The following AUTS2 variants were observed in gnomAD, a reference collection of about 807,000 sequenced individuals.
The protein encoded by AUTS2 is activator of transcription and developmental regulator AUTS2, also known as autism susceptibility gene 2 protein.
Under a neutral mutation model 112.4 loss-of-function variants are expected in AUTS2, and 17 were observed. The ratio of observed to expected loss-of-function variants is 0.15; its 90% CI spans 0.10 to 0.23. The LOEUF (loss-of-function observed/expected upper bound fraction) is 0.23, where lower values mean the gene tolerates loss of function less well. Ranked by LOEUF, AUTS2 falls within the 10% of genes least tolerant of loss-of-function variation. AUTS2 has a pLI of 1.00. For missense variants in AUTS2, 1,510 were observed against 1,701.6 expected (o/e 0.89, Z 1.98); for synonymous variants, 751 against 702.7 (o/e 1.07, Z -1.09).
chr7:70,517,740 TACAC>T lies in AUTS2; in HGVS notation c.690+81968_690+81971del, dbSNP rs762319113. 1.1e-3 allele frequency among the ~76,000 whole-genome samples: 163 copies of T among 151,794 alleles called. 1 individual carries two copies. The highest frequency in any genetic ancestry group is 1.1e-3 in the Admixed American group (17 of 15,226). ...TAGTTTGCATATGTATACATATGAA[TACAC>T]ACACACACGATTTGTGTCCAGTTAA... On this transcript the variant is annotated intron_variant, in intron 5 of 18. Coordinates refer to ENST00000342771, the MANE Select transcript of AUTS2 (RefSeq NM_015570.4).
intron 1 of AUTS2, among the ~76,000 whole-genome samples, chr7:69,611,265 C>T (rs1793017685): frequency 6.6e-6 from 1 of 152,082 alleles, no homozygotes; most frequent in African/African-American, 2.4e-5. Context: ...TTTGTATTTC[C>T]AGATGTGAGC....
At chr7:70,696,716 G>C (rs1048744860) in intron 5 of AUTS2, among the ~76,000 whole-genome samples, 2 of 151,932 alleles carry the variant, frequency 1.3e-5, no homozygotes, top group African/African-American at 2.4e-5. Context: ...ATAAAAACTT[G>C]GTCAGGAACC....
intron 2 of AUTS2, among the ~76,000 whole-genome samples, chr7:70,012,431 A>G (rs1799845882): frequency 6.6e-6 from 1 of 152,214 alleles, no homozygotes; most frequent in Non-Finnish European, 1.5e-5. Flanking sequence ...CCATGTAAAA[A>G]TATGGGTCTT....
rs1810419193 is a variant in AUTS2 at position 70,717,036 on chromosome 7, C to G, written c.742+18416C>G. Among the ~76,000 whole-genome samples the G allele has an allele frequency of 1.2e-4, 13 of 112,814 alleles. No homozygotes were observed. The Admixed American group carries it at 1.3e-3, about 11-fold the overall frequency. The allele number at this position is 112,814 out of a possible 152,430, so 74.0% of individuals were successfully genotyped here. Reference sequence around the variant, plus strand: ...TTTTATTACTGTTTAAGCCTTGACACTTTTATTTATTTAGACACTGGGTCT... The same window carrying G: ...TTTTATTACTGTTTAAGCCTTGACAGTTTTATTTATTTAGACACTGGGTCT... On this transcript the variant is annotated intron_variant, in intron 6 of 18. Transcript: ENST00000342771.
At chr7:69,964,162 T>C (rs545718983) in intron 2 of AUTS2, among the ~76,000 whole-genome samples, 1 of 152,286 alleles carries the variant, frequency 6.6e-6, no homozygotes, top group African/African-American at 2.4e-5. Flanking sequence ...GTTACAGTCT[T>C]CTCAGGGAGA....
intron 1 of AUTS2, among the ~76,000 whole-genome samples, chr7:69,810,525 C>A (rs1413872376): frequency 6.7e-6 from 1 of 148,242 alleles, no homozygotes. Flanking sequence ...TTTTTTTGAT[C>A]ATTGGAACTT....
intron 2 of AUTS2, among the ~76,000 whole-genome samples, chr7:69,977,899 G>C (rs144555156): frequency 1.3e-5 from 2 of 152,230 alleles, no homozygotes; most frequent in South Asian, 4.1e-4. Context: ...AAGCCAGTAC[G>C]TCATCTTCTT....
intron 4 of AUTS2, among the ~76,000 whole-genome samples, chr7:70,246,592 A>T (rs1180129260): frequency 6.6e-6 from 1 of 152,058 alleles, no homozygotes; most frequent in Non-Finnish European, 1.5e-5. Flanking sequence ...AAATTATTAC[A>T]ACTTTTAATT....
chr7:70,462,711 C>A (rs1420650846), intron 5 of AUTS2, among the ~76,000 whole-genome samples: 1 of 152,018 alleles, frequency 6.6e-6, no homozygotes, highest in Non-Finnish European at 1.5e-5. Context: ...AATCCCAGCA[C>A]TGTGAGAGGC....
intron 4 of AUTS2, among the ~76,000 whole-genome samples, chr7:70,155,866 C>T (rs1327370085): frequency 6.6e-6 from 1 of 152,146 alleles, no homozygotes; most frequent in Non-Finnish European, 1.5e-5. Flanking sequence ...GTAGAAGAAT[C>T]ACTTTCACCT....
intron 6 of AUTS2, among the ~76,000 whole-genome samples, chr7:70,708,751 A>G (rs1298293227): frequency 6.6e-6 from 1 of 152,172 alleles, no homozygotes; most frequent in African/African-American, 2.4e-5. Flanking sequence ...TCGTTAGACT[A>G]AAACCTACCC....
At chr7:70,298,783 A>G (rs368749565) in intron 4 of AUTS2, among the ~76,000 whole-genome samples, 65 of 152,346 alleles carry the variant, frequency 4.3e-4, no homozygotes, top group African/African-American at 1.5e-3. Context: ...TCCTGAGATG[A>G]ACAAGTGACT....
intron 1 of AUTS2, among the ~76,000 whole-genome samples, chr7:69,618,470 G>A (rs979122735): frequency 6.6e-6 from 1 of 152,104 alleles, no homozygotes; most frequent in Non-Finnish European, 1.5e-5. Context: ...ATGAGAGTGT[G>A]TTACGGAATA....
intron 1 of AUTS2, among the ~76,000 whole-genome samples, chr7:69,743,578 C>T (rs981256500): frequency 6.6e-6 from 1 of 152,132 alleles, no homozygotes; most frequent in Non-Finnish European, 1.5e-5. Context: ...CCACTGCTAT[C>T]AAGATATAGG....
intron 1 of AUTS2, among the ~76,000 whole-genome samples, chr7:69,885,200 A>G (rs551248562): frequency 1.3e-5 from 2 of 152,352 alleles, no homozygotes; most frequent in African/African-American, 4.8e-5. Flanking sequence ...GCGAGTATTT[A>G]TAGCTTTCAT....
intron 2 of AUTS2, among the ~76,000 whole-genome samples, chr7:70,095,700 T>G (rs1175909053): frequency 6.6e-6 from 1 of 152,208 alleles, no homozygotes; most frequent in Non-Finnish European, 1.5e-5. Flanking sequence ...AAAATTTTTA[T>G]ATTGCCTTTG....
At chr7:70,002,218 A>G (rs1360846221) in intron 2 of AUTS2, among the ~76,000 whole-genome samples, 1 of 152,190 alleles carries the variant, frequency 6.6e-6, no homozygotes, top group African/African-American at 2.4e-5. Flanking sequence ...TGGGGATGTC[A>G]TAGACAGAAT....
At chr7:69,998,108 C>G (rs1374191097) in intron 2 of AUTS2, among the ~76,000 whole-genome samples, 1 of 152,080 alleles carries the variant, frequency 6.6e-6, no homozygotes, top group East Asian at 1.9e-4. Context: ...ACTCTTTTTT[C>G]AAGTGACTTT....
chr7:70,135,375 A>C (rs1806499103), intron 4 of AUTS2, among the ~76,000 whole-genome samples: 1 of 152,220 alleles, frequency 6.6e-6, no homozygotes, highest in African/African-American at 2.4e-5. Flanking sequence ...TGATGCTTAA[A>C]GGAATCTGAT....
Sources: allele counts gnomAD v4.1 joint callset (sites outside exome capture counted in the v4.1 genomes callset), GRCh38; gene constraint gnomAD v4.1.1; transcripts MANE v1.5; gene names NCBI Gene and HGNC (gene_info 2026-07-23, HGNC 2026-07-21).